The following RBFOX1 variants were observed in gnomAD, a reference collection of about 807,000 sequenced individuals.
RBFOX1 encodes the protein RNA binding protein fox-1 homolog 1.
A neutral mutation model predicts 57.7 loss-of-function variants in RBFOX1; 8 were observed. That is an observed-to-expected ratio of 0.14 (90% CI 0.08 to 0.25). The LOEUF is 0.25. RBFOX1 is among the 10% of genes least tolerant of loss of function. The pLI is 1.00. For missense variants in RBFOX1, 611 were observed against 548.5 expected (o/e 1.11, Z -1.14); for synonymous variants, 326 against 222.4 (o/e 1.47, Z -4.15).
chr16:6,207,582 T>G (rs1335672594), intron 1 of RBFOX1, among the ~76,000 whole-genome samples: 1 of 152,210 alleles, frequency 6.6e-6, no homozygotes, highest in Non-Finnish European at 1.5e-5. Flanking sequence ...AAAACATACC[T>G]AAGAAACAGA....
At chr16:6,654,202 G>T (rs1240281338) in intron 2 of RBFOX1, among the ~76,000 whole-genome samples, 1 of 152,138 alleles carries the variant, frequency 6.6e-6, no homozygotes, top group Non-Finnish European at 1.5e-5. Context: ...AATAGATCCT[G>T]ATAATTTGTG....
At chr16:7,374,599 G>A (rs919631994) in intron 4 of RBFOX1, among the ~76,000 whole-genome samples, 3 of 152,004 alleles carry the variant, frequency 2.0e-5, no homozygotes, top group African/African-American at 7.3e-5. Flanking sequence ...AGATTAATCT[G>A]CATGAGATGA....
rs370325983 is a variant in RBFOX1 at position 6,707,940 on chromosome 16, TAGTGCAG to T, written c.-16+53293_-16+53299del. On this transcript the variant is annotated intron_variant, in intron 3 of 15. Coordinates refer to ENST00000550418, the MANE Select transcript of RBFOX1 (RefSeq NM_018723.4). ...GATTCAGGGAATGGAGTTGAGGAAATAGTGCAGAGGTAGAAGCAGGATGCATTGTAAA... is the reference window on the plus strand; with the variant it reads ...GATTCAGGGAATGGAGTTGAGGAAATAGGTAGAAGCAGGATGCATTGTAAA... Among the ~76,000 whole-genome samples, 13 of 152,136 alleles carry T rather than the reference TAGTGCAG, an allele frequency of 8.5e-5. 1 individual carries two copies. The highest frequency in any genetic ancestry group is 2.9e-4 in the African/African-American group (12 of 41,504).
At chr16:6,509,644 CA>C (rs912514583) in intron 2 of RBFOX1, among the ~76,000 whole-genome samples, 3 of 151,300 alleles carry the variant, frequency 2.0e-5, no homozygotes, top group Non-Finnish European at 2.9e-5. Context: ...TGACTGTAGT[CA>C]AAAAAAATTT....
intron 4 of RBFOX1, among the ~76,000 whole-genome samples, chr16:6,010,924 G>T (rs560037605): frequency 6.6e-6 from 1 of 152,242 alleles, no homozygotes; most frequent in South Asian, 2.1e-4. Context: ...ACAAGTGGAA[G>T]CACAGAAATG....
chr16:6,933,432 G>T (rs901453325), intron 3 of RBFOX1, among the ~76,000 whole-genome samples: 2 of 152,216 alleles, frequency 1.3e-5, no homozygotes, highest in African/African-American at 4.8e-5. Flanking sequence ...GGCCATCCTG[G>T]CCAGGTGCAG....
chr16:5,837,606 C>CTTT (rs35808036), intron 3 of RBFOX1, among the ~76,000 whole-genome samples: 1 of 143,752 alleles, frequency 7.0e-6, no homozygotes. Context: ...CCAGCCCCCT[C>CTTT]TTTTTTTTTT....
rs187677398 is a variant in RBFOX1 at position 6,621,151 on chromosome 16, T to C, written c.-63-33452T>C. Among the ~76,000 whole-genome samples, 14 of 152,292 alleles carry C rather than the reference T, an allele frequency of 9.2e-5. No homozygotes were observed. The East Asian group carries it at 2.7e-3, about 29-fold the overall frequency. ...GGTGTCTCTGTATTTTAAATCTCCC[T>C]CTCCTTTCTCTTATAAAAACACTAG... On this transcript the variant is annotated intron_variant, in intron 2 of 15. Transcript: ENST00000550418.
At chr16:5,689,823 A>T (rs994613121) in intron 3 of RBFOX1, among the ~76,000 whole-genome samples, 1 of 152,130 alleles carries the variant, frequency 6.6e-6, no homozygotes, top group Non-Finnish European at 1.5e-5. Context: ...AAAAGAAGGA[A>T]CACATTTGTA....
At chr16:6,895,438 GTGTGTGTGTGTATA>G (rs1239625772) in intron 3 of RBFOX1, among the ~76,000 whole-genome samples, 1 of 88,098 alleles carries the variant, frequency 1.1e-5, no homozygotes, top group South Asian at 4.3e-4. Flanking sequence ...GTGTGTGTGT[GTGTGTGTGTGTATA>G]TATATATATA....
At chr16:6,005,916 C>G (rs150504883) in intron 4 of RBFOX1, among the ~76,000 whole-genome samples, 7 of 152,230 alleles carry the variant, frequency 4.6e-5, no homozygotes, top group Non-Finnish European at 7.4e-5. Flanking sequence ...ACAGAAGAGA[C>G]TATTTAGAGA....
chr16:6,400,149 A>C (rs1256118414), intron 2 of RBFOX1, among the ~76,000 whole-genome samples: 5 of 152,230 alleles, frequency 3.3e-5, no homozygotes, highest in Non-Finnish European at 7.3e-5. Flanking sequence ...CAACTACAGC[A>C]TGCACATGTT....
intron 4 of RBFOX1, among the ~76,000 whole-genome samples, chr16:7,100,657 C>T (rs969803935): frequency 6.7e-6 from 1 of 149,416 alleles, no homozygotes; most frequent in African/African-American, 2.5e-5. Flanking sequence ...TTGACATAGC[C>T]TGTGATAAAT....
chr16:6,330,659 A>ACCCATGCT (rs911680837), intron 2 of RBFOX1, among the ~76,000 whole-genome samples: 5 of 152,148 alleles, frequency 3.3e-5, no homozygotes, highest in African/African-American at 1.2e-4. Context: ...AAAACCAGAC[A>ACCCATGCT]CCCATGCTGC....
chr16:7,399,860 T>C (rs886223377), intron 4 of RBFOX1, among the ~76,000 whole-genome samples: 2 of 152,242 alleles, frequency 1.3e-5, no homozygotes, highest in African/African-American at 4.8e-5. Flanking sequence ...TGCCATTTTA[T>C]TGTGAACTAT....
chr16:6,291,351 G>A (rs747930578), intron 1 of RBFOX1, among the ~76,000 whole-genome samples: 14 of 152,204 alleles, frequency 9.2e-5, no homozygotes, highest in Admixed American at 3.9e-4. Context: ...GCTGAGAGCC[G>A]TGAGTTCTCT....
chr16:6,247,341 T>C (rs1312930320), intron 1 of RBFOX1, among the ~76,000 whole-genome samples: 1 of 152,204 alleles, frequency 6.6e-6, no homozygotes, highest in African/African-American at 2.4e-5. Context: ...TCTCTTCTCT[T>C]GTTCAGACTT....
intron 1 of RBFOX1, among the ~76,000 whole-genome samples, chr16:5,441,440 C>A (rs1167475596): frequency 6.8e-6 from 1 of 147,898 alleles, no homozygotes; most frequent in Non-Finnish European, 1.5e-5. Flanking sequence ...TTTTGGCTCA[C>A]TGCAACCTCC....
intron 3 of RBFOX1, among the ~76,000 whole-genome samples, chr16:5,720,511 C>G (rs187328441): frequency 4.6e-5 from 7 of 152,210 alleles, no homozygotes; most frequent in Admixed American, 6.5e-5. Context: ...AAGGCTTTAC[C>G]TAAGCCAAGG....
Sources: allele counts gnomAD v4.1 joint callset (sites outside exome capture counted in the v4.1 genomes callset), GRCh38; gene constraint gnomAD v4.1.1; transcripts MANE v1.5; gene names NCBI Gene and HGNC (gene_info 2026-07-23, HGNC 2026-07-21).